The following LEMD3 variants were observed in gnomAD, a reference collection of about 807,000 sequenced individuals.
The protein encoded by LEMD3 is LEM domain containing 3.
In LEMD3, 33 loss-of-function variants were observed where a neutral mutation model predicts 95.2. That is an observed-to-expected ratio of 0.35 (90% confidence interval 0.26 to 0.46). LEMD3 has a LOEUF of 0.46. Among genes scored for constraint, LEMD3 ranks in the 20% least tolerant of loss-of-function variants. The probability of loss-of-function intolerance (pLI) is 1.00; values close to 1 mark genes in which losing one functional copy is unlikely to be tolerated. For synonymous variants in LEMD3, 525 were observed against 474.6 expected (o/e 1.11, Z -1.38); for missense variants, 1,210 against 1,192.8 (o/e 1.01, Z -0.21).
In LEMD3 at chr12:65,169,830, C is replaced by T. The variant is rs753825048; in HGVS notation, c.234C>T (p.Ala78=). Residue 78 remains alanine (A), a synonymous_variant, in exon 1 of 13, where the codon GCC becomes GCT. Transcript: ENST00000308330. ...NNNTAAATVA[A]AGPAAAAAAG... ...ACACGGCAGCCGCCACGGTCGCAGC[C>T]GCGGGACCAGCGGCGGCGGCGGCCG... 1.4e-6 allele frequency: 2 copies of T among 1,473,202 alleles called. No homozygotes were observed. The highest frequency in any genetic ancestry group is 1.8e-6 in the Non-Finnish European group (2 of 1,108,484). The allele number at this position is 1,473,202 out of a possible 1,614,324, so 91.3% of individuals were successfully genotyped here. A position where few individuals can be genotyped will look rare whatever the true frequency, so the allele number is the denominator to read the frequency against.
chr12:65,181,860 T>C (rs555592657), intron 1 of LEMD3, among the ~76,000 whole-genome samples: 1 of 152,188 alleles, frequency 6.6e-6, no homozygotes, highest in Non-Finnish European at 1.5e-5. Flanking sequence ...GTTCAAGATG[T>C]TCTAGAAATA....
intron 1 of LEMD3, among the ~76,000 whole-genome samples, chr12:65,180,807 T>C (rs1379667393): frequency 6.6e-6 from 1 of 152,220 alleles, no homozygotes; most frequent in Non-Finnish European, 1.5e-5. Flanking sequence ...GTTGTAAAAC[T>C]ATGCAAGAGT....
intron 1 of LEMD3, among the ~76,000 whole-genome samples, chr12:65,172,712 A>T (rs1868591815): frequency 6.6e-6 from 1 of 151,046 alleles, no homozygotes; most frequent in Admixed American, 6.6e-5. Flanking sequence ...CAACTATAAG[A>T]TCTGGCCTTT....
chr12:65,218,467 TATAAA>T, intron 3 of LEMD3, 80 bp from the exon 4 acceptor site: 1 of 731,916 alleles, frequency 1.4e-6, no homozygotes, highest in South Asian at 1.7e-5. Flanking sequence ...TTGTATAATG[TATAAA>T]ATATTTGAAT....
intron 1 of LEMD3, among the ~76,000 whole-genome samples, chr12:65,186,631 C>CT (rs36112519): frequency 0.056 from 4,451 of 80,096 alleles, 228 homozygotes; most frequent in African/African-American, 0.15. Context: ...GTTTAGATTG[C>CT]TTTTTTTTTT....
chr12:65,217,078 G>A (rs1374630077), intron 3 of LEMD3, among the ~76,000 whole-genome samples: 1 of 152,146 alleles, frequency 6.6e-6, no homozygotes, highest in Admixed American at 6.5e-5. Flanking sequence ...ATCAAGTATG[G>A]TTCATGGCCA....
intron 4 of LEMD3, among the ~76,000 whole-genome samples, chr12:65,224,706 T>C (rs956292068): frequency 6.6e-6 from 1 of 152,192 alleles, no homozygotes; most frequent in Admixed American, 6.5e-5. Flanking sequence ...TATGGACTTA[T>C]TTTGGTCTAT....
intron 1 of LEMD3, among the ~76,000 whole-genome samples, chr12:65,209,197 T>G (rs1264998332): frequency 3.9e-5 from 6 of 152,164 alleles, no homozygotes. Context: ...TAGAGCAGTG[T>G]GGTGAACATT....
At chr12:65,224,638 G>C (rs1870394408) in intron 4 of LEMD3, among the ~76,000 whole-genome samples, 1 of 152,032 alleles carries the variant, frequency 6.6e-6, no homozygotes, top group Admixed American at 6.5e-5. Context: ...TGAGTAGCTT[G>C]CGTCTTGGCT....
At chr12:65,208,121 G>C (rs1869819775) in intron 1 of LEMD3, among the ~76,000 whole-genome samples, 1 of 152,040 alleles carries the variant, frequency 6.6e-6, no homozygotes, top group Admixed American at 6.6e-5. Context: ...ATAGTTTAAA[G>C]GGAAAAGAAG....
intron 1 of LEMD3, among the ~76,000 whole-genome samples, chr12:65,207,049 T>C (rs1869784631): frequency 1.3e-5 from 2 of 152,170 alleles, no homozygotes; most frequent in African/African-American, 2.4e-5. Context: ...CATGTCTCAA[T>C]ATTTCTGTCT....
At chr12:65,206,961 C>T (rs1386337778) in intron 1 of LEMD3, among the ~76,000 whole-genome samples, 3 of 152,024 alleles carry the variant, frequency 2.0e-5, no homozygotes, top group Admixed American at 2.0e-4. Flanking sequence ...TGGAGTCAGA[C>T]ATAAATAGGT....
intron 9 of LEMD3, among the ~76,000 whole-genome samples, chr12:65,241,979 C>G (rs1211432100): frequency 1.3e-5 from 2 of 152,140 alleles, no homozygotes; most frequent in African/African-American, 4.8e-5. Context: ...CTATGACACA[C>G]GTTTACCTAT....
intron 4 of LEMD3, among the ~76,000 whole-genome samples, chr12:65,232,416 C>A (rs994654492): frequency 3.3e-5 from 5 of 152,112 alleles, no homozygotes; most frequent in African/African-American, 1.2e-4. Flanking sequence ...TTCACAACTT[C>A]TAGTACATTT....
At chr12:65,246,138 A>T (rs1330973496) in intron 12 of LEMD3, 24 bp from the exon 13 acceptor site, 1 of 1,566,370 alleles carries the variant, frequency 6.4e-7, no homozygotes, top group Non-Finnish European at 8.8e-7. Context: ...ACTGATCTAA[A>T]ATATTATTTT....
intron 1 of LEMD3, among the ~76,000 whole-genome samples, chr12:65,205,718 C>T (rs1211011907): frequency 6.6e-6 from 1 of 151,972 alleles, no homozygotes; most frequent in Non-Finnish European, 1.5e-5. Flanking sequence ...CTGATTATCC[C>T]CATCTAGGTT....
At chr12:65,212,042 A>G (rs1361179218) in intron 2 of LEMD3, among the ~76,000 whole-genome samples, 1 of 151,996 alleles carries the variant, frequency 6.6e-6, no homozygotes, top group Non-Finnish European at 1.5e-5. Context: ...AAGAGGTTTA[A>G]TTGACTCACA....
chr12:65,247,925 G>A lies in LEMD3; in HGVS notation c.*1600G>A, dbSNP rs1871164142. On this transcript the variant is annotated 3_prime_UTR_variant, in exon 13 of 13. Transcript: ENST00000308330. ...GTTTATGTCTCAGATGCTAACGTGT[G>A]AAAATATAAATATATATAATATATA... 6.6e-6 allele frequency: 1 copy of A among 152,344 alleles called. No homozygotes were observed. Among genetic ancestry groups the A allele is most frequent in the Non-Finnish European group, 1.5e-5 (1 of 67,974 alleles). The allele number at this position is 152,344 out of a possible 1,614,324, so 9.4% of individuals were successfully genotyped here. A position where few individuals can be genotyped will look rare whatever the true frequency, so the allele number is the denominator to read the frequency against.
At chr12:65,199,077 T>C (rs925671162) in intron 1 of LEMD3, among the ~76,000 whole-genome samples, 1 of 152,176 alleles carries the variant, frequency 6.6e-6, no homozygotes, top group Admixed American at 6.6e-5. Context: ...TTATTAACTT[T>C]ATAGTTTATC....
Sources: gnomAD v4.1 joint callset for allele counts (sites outside exome capture counted in the v4.1 genomes callset) on GRCh38, gnomAD v4.1.1 for gene constraint, MANE v1.5 for transcripts, NCBI Gene and HGNC (gene_info 2026-07-23, HGNC 2026-07-21) for gene names.